The following SSH2 variants were observed in gnomAD, a reference collection of about 807,000 sequenced individuals.
SSH2 encodes the protein slingshot protein phosphatase 2.
Under a neutral mutation model 135.2 loss-of-function variants are expected in SSH2, and 37 were observed. The observed-to-expected ratio is 0.27, with a 90% confidence interval of 0.21 to 0.36. SSH2 has a LOEUF of 0.36. Among genes scored for constraint, SSH2 ranks in the 10% least tolerant of loss-of-function variants. The pLI is 1.00. For missense variants in SSH2, 1,408 were observed against 1,765.3 expected, an observed-to-expected ratio of 0.80 and a Z score of 3.63; for synonymous variants, 628 against 646.2, an observed-to-expected ratio of 0.97 and a Z score of 0.43.
intron 3 of SSH2, among the ~76,000 whole-genome samples, chr17:29,706,140 G>A (rs1411404744): frequency 1.3e-5 from 2 of 152,182 alleles, no homozygotes. Flanking sequence ...TTTAGGACAA[G>A]TCTCACATGT....
intron 2 of SSH2, among the ~76,000 whole-genome samples, chr17:29,799,380 G>A (rs1047401756): frequency 6.6e-6 from 1 of 152,176 alleles, no homozygotes; most frequent in Non-Finnish European, 1.5e-5. Flanking sequence ...TGGTTGTACT[G>A]ATTTATACTC....
intron 2 of SSH2, among the ~76,000 whole-genome samples, chr17:29,808,547 A>G (rs773589616): frequency 2.4e-4 from 36 of 152,226 alleles, no homozygotes; most frequent in Non-Finnish European, 5.0e-4. Flanking sequence ...CAACAACAGC[A>G]CTCATCACTG....
chr17:29,894,790 A>T (rs1328590612), intron 1 of SSH2, among the ~76,000 whole-genome samples: 1 of 151,974 alleles, frequency 6.6e-6, no homozygotes, highest in East Asian at 1.9e-4. Flanking sequence ...TGGAACACTG[A>T]AGCCATATTC....
At position 29,798,872 on chromosome 17, in the gene SSH2, T is replaced by C. The variant is rs533390276; in HGVS notation, c.145-4935A>G. Among the ~76,000 whole-genome samples, 251 of 152,356 alleles carry C rather than the reference T, an allele frequency of 1.6e-3. 1 individual carries two copies. The highest frequency in any genetic ancestry group is 5.9e-3 in the African/African-American group (244 of 41,580). ...TTGTATTCCTCTGTTCTACCTTTTC[T>C]GCCTTCTTTGGTATTATTTGAATAT... On this transcript the variant is annotated intron_variant, in intron 2 of 15. Transcript: ENST00000540801.
intron 1 of SSH2, among the ~76,000 whole-genome samples, chr17:29,879,666 C>T (rs1185308595): frequency 6.6e-6 from 1 of 152,080 alleles, no homozygotes; most frequent in Admixed American, 6.5e-5. Flanking sequence ...CTCCCCAAAT[C>T]AAACAAAACC....
At chr17:29,664,116 T>A (rs989094249) in intron 11 of SSH2, among the ~76,000 whole-genome samples, 5 of 152,222 alleles carry the variant, frequency 3.3e-5, no homozygotes, top group Non-Finnish European at 7.3e-5. Context: ...GCGCGATGGC[T>A]CATGCCTGTA....
intron 5 of SSH2, among the ~76,000 whole-genome samples, chr17:29,694,028 A>C (rs1477291976): frequency 6.6e-6 from 1 of 152,190 alleles, no homozygotes; most frequent in Non-Finnish European, 1.5e-5. Context: ...GTGGCCCAAG[A>C]TGGCTTTCAA....
chr17:29,927,519 T>C (rs1159334779), intron 1 of SSH2, among the ~76,000 whole-genome samples: 1 of 152,188 alleles, frequency 6.6e-6, no homozygotes, highest in African/African-American at 2.4e-5. Flanking sequence ...AAAATGTAAA[T>C]TTCCAGTCTC....
rs1383571891 is a variant in SSH2, at chr17:29,632,838, T to C, written c.2356A>G (p.Ile786Val). Residue 786 changes from isoleucine (I) to valine (V), a missense_variant, in exon 16 of 16, where the codon ATC becomes GTC. Coordinates refer to ENST00000540801, the MANE Select transcript of SSH2 (RefSeq NM_001282129.2). ...VKEIVTEIES[I>V]SQGVGQIQLK... ...TGAATCTGCCCAACTCCTTGACTGA[T>C]GGACTCAATTTCAGTGACAATTTCT... 8.1e-6 allele frequency: 13 copies of C among 1,614,220 alleles called. No homozygotes were observed. Among genetic ancestry groups the C allele is most frequent in the Non-Finnish European group, 1.0e-5 (12 of 1,180,038 alleles).
intron 3 of SSH2, among the ~76,000 whole-genome samples, chr17:29,762,054 T>C (rs1198536730): frequency 6.6e-6 from 1 of 152,048 alleles, no homozygotes; most frequent in Non-Finnish European, 1.5e-5. Flanking sequence ...CTAATTTTTG[T>C]ATTTTTCGTA....
chr17:29,760,010 CT>C (rs2041239611), intron 3 of SSH2, among the ~76,000 whole-genome samples: 1 of 152,072 alleles, frequency 6.6e-6, no homozygotes, highest in African/African-American at 2.4e-5. Flanking sequence ...AGTAAAACAA[CT>C]TTTGTGACTT....
At chr17:29,655,707 T>G in intron 11 of SSH2, 100 bp from the exon 12 acceptor site, 2 of 1,065,300 alleles carry the variant, frequency 1.9e-6, no homozygotes, top group South Asian at 2.5e-5. Flanking sequence ...AGAAGACTAA[T>G]AACATCTACC....
At chr17:29,726,555 T>C (rs2040008980) in intron 3 of SSH2, among the ~76,000 whole-genome samples, 1 of 152,130 alleles carries the variant, frequency 6.6e-6, no homozygotes, top group Non-Finnish European at 1.5e-5. Context: ...ACAAGGGTGG[T>C]CTGATCTGAG....
At chr17:29,916,442 A>G (rs1179165084) in intron 1 of SSH2, among the ~76,000 whole-genome samples, 1 of 151,446 alleles carries the variant, frequency 6.6e-6, no homozygotes, top group Non-Finnish European at 1.5e-5. Flanking sequence ...CCACTGCATC[A>G]TGTTGTTAAA....
At chr17:29,870,188 G>A (rs1350745220) in intron 1 of SSH2, among the ~76,000 whole-genome samples, 2 of 151,348 alleles carry the variant, frequency 1.3e-5, no homozygotes, top group Non-Finnish European at 2.9e-5. Flanking sequence ...ACATTATGGT[G>A]TATCTATATA....
chr17:29,885,948 G>A (rs1234934635), intron 1 of SSH2, among the ~76,000 whole-genome samples: 2 of 152,178 alleles, frequency 1.3e-5, no homozygotes, highest in Non-Finnish European at 2.9e-5. Context: ...AAATTACCCA[G>A]TCTCAGGTAT....
At chr17:29,659,950 C>G (rs1416309365) in intron 11 of SSH2, among the ~76,000 whole-genome samples, 1 of 152,148 alleles carries the variant, frequency 6.6e-6, no homozygotes, top group Non-Finnish European at 1.5e-5. Context: ...TCTGCCTCAG[C>G]CTCCCGAGTA....
At chr17:29,799,045 C>T (rs1437992332) in intron 2 of SSH2, among the ~76,000 whole-genome samples, 1 of 152,104 alleles carries the variant, frequency 6.6e-6, no homozygotes, top group East Asian at 1.9e-4. Context: ...CTGTGTTATA[C>T]TGTGTGTAGT....
chr17:29,659,123 G>C (rs528524915), intron 11 of SSH2, among the ~76,000 whole-genome samples: 1 of 152,212 alleles, frequency 6.6e-6, no homozygotes, highest in African/African-American at 2.4e-5. Context: ...AAATGTAACA[G>C]TTCATAGAGA....
Sources: gnomAD v4.1 joint callset for allele counts (sites outside exome capture counted in the v4.1 genomes callset) on GRCh38, gnomAD v4.1.1 for gene constraint, MANE v1.5 for transcripts, NCBI Gene and HGNC (gene_info 2026-07-23, HGNC 2026-07-21) for gene names.